DIS3L2: variants seen among roughly 807,000 people sequenced by gnomAD.
The protein encoded by DIS3L2 is DIS3-like exonuclease 2.
Under a neutral mutation model 97.5 loss-of-function variants are expected in DIS3L2, and 34 were observed. That is an observed-to-expected ratio of 0.35 (90% confidence interval 0.27 to 0.46). The LOEUF (loss-of-function observed/expected upper bound fraction) is 0.46, where lower values mean the gene tolerates loss of function less well. Ranked by LOEUF, DIS3L2 falls within the 20% of genes least tolerant of loss-of-function variation. The pLI is 1.00. For synonymous variants in DIS3L2, 435 were observed against 445.2 expected, an observed-to-expected ratio of 0.98 and a Z score of 0.29; for missense variants, 1,038 against 1,146.0, an observed-to-expected ratio of 0.91 and a Z score of 1.36.
intron 13 of DIS3L2, among the ~76,000 whole-genome samples, chr2:232,275,439 G>T (rs1417307891): frequency 6.6e-6 from 1 of 152,172 alleles, no homozygotes; most frequent in East Asian, 1.9e-4. Flanking sequence ...ACAGTGATCT[G>T]ATGTCACCTC....
chr2:232,323,970 TC>T (rs768392312), intron 14 of DIS3L2, among the ~76,000 whole-genome samples: 7 of 151,996 alleles, frequency 4.6e-5, no homozygotes, highest in Non-Finnish European at 8.8e-5. Flanking sequence ...GCCACCAAGA[TC>T]TCTTCCACTT....
chr2:231,979,282 T>A (rs962852128), intron 1 of DIS3L2, among the ~76,000 whole-genome samples: 1 of 152,110 alleles, frequency 6.6e-6, no homozygotes, highest in Non-Finnish European at 1.5e-5. Context: ...TGAAACAGGG[T>A]CTCACTCTGT....
At chr2:232,226,701 G>A (rs1692659522) in intron 10 of DIS3L2, among the ~76,000 whole-genome samples, 1 of 152,212 alleles carries the variant, frequency 6.6e-6, no homozygotes. Flanking sequence ...GCCAGGTGGG[G>A]TGGCTCACGC....
Position 232,238,642 on chromosome 2 carries a change from A to G in DIS3L2, c.1314A>G (p.Gln438=), listed in dbSNP as rs962928333. Residue 438 remains glutamine (Q), a synonymous_variant, in exon 11 of 21, where the codon CAA becomes CAG. Coordinates refer to ENST00000325385, the MANE Select transcript of DIS3L2 (RefSeq NM_152383.5). The part of the protein sequence containing the change: ...AERATSVYLV[Q]KVVPMLPRLL... ...GGGCTACAAGCGTCTACTTGGTTCAAAAGGTAAAAATCCATCTCTAGTTTC... is the reference window on the plus strand; with the variant it reads ...GGGCTACAAGCGTCTACTTGGTTCAGAAGGTAAAAATCCATCTCTAGTTTC... The G allele has an allele frequency of 6.2e-6, 10 of 1,612,472 alleles. No individual in the cohort carries two copies. The Admixed American group carries it at 1.3e-4, about 22-fold the overall frequency.
At chr2:232,097,818 G>A (rs1043138516) in intron 6 of DIS3L2, among the ~76,000 whole-genome samples, 18 of 152,112 alleles carry the variant, frequency 1.2e-4, no homozygotes, top group African/African-American at 4.1e-4. Context: ...CAAGCAGATG[G>A]AGTCTCTCGC....
chr2:232,266,074 T>C (rs1429630437), intron 13 of DIS3L2, among the ~76,000 whole-genome samples: 1 of 152,256 alleles, frequency 6.6e-6, no homozygotes. Flanking sequence ...CATAACGTTT[T>C]AGAGACTTTA....
chr2:232,196,573 T>G (rs1691763768), intron 9 of DIS3L2, among the ~76,000 whole-genome samples: 1 of 152,140 alleles, frequency 6.6e-6, no homozygotes, highest in Non-Finnish European at 1.5e-5. Context: ...GACCATAGGA[T>G]TAAAAGACTT....
intron 1 of DIS3L2, among the ~76,000 whole-genome samples, chr2:231,974,540 C>A (rs1244456547): frequency 7.6e-6 from 1 of 131,198 alleles, no homozygotes; most frequent in Admixed American, 7.7e-5. Context: ...TAATTTGGAT[C>A]TTTTTTTTTT....
intron 14 of DIS3L2, 27 bp from the exon 15 acceptor site, chr2:232,329,786 C>CCCCGGGGGGGCCA: frequency 2.3e-6 from 1 of 430,238 alleles, no homozygotes; most frequent in Non-Finnish European, 4.2e-6. Context: ...CCCCAGCGGT[C>CCCCGGGGGGGCCA]CCTCCCATCC....
At chr2:232,023,682 C>T (rs894629807) in intron 3 of DIS3L2, among the ~76,000 whole-genome samples, 2 of 152,162 alleles carry the variant, frequency 1.3e-5, no homozygotes, top group South Asian at 2.1e-4. Context: ...GACTGGGTGG[C>T]CTGGCTGTTG....
At chr2:232,189,378 G>C (rs909188129) in intron 9 of DIS3L2, among the ~76,000 whole-genome samples, 3 of 152,208 alleles carry the variant, frequency 2.0e-5, no homozygotes, top group African/African-American at 7.2e-5. Context: ...CCATATTACT[G>C]AATGGTACTT....
intron 3 of DIS3L2, among the ~76,000 whole-genome samples, chr2:232,022,369 A>G (rs893337799): frequency 6.6e-6 from 1 of 152,172 alleles, no homozygotes; most frequent in African/African-American, 2.4e-5. Flanking sequence ...ATCAAGGGTA[A>G]AATCTTCAAG....
At chr2:232,332,998 C>G (rs990858747) in intron 16 of DIS3L2, among the ~76,000 whole-genome samples, 1 of 151,938 alleles carries the variant, frequency 6.6e-6, no homozygotes, top group African/African-American at 2.4e-5. Flanking sequence ...GACGTTGCCT[C>G]CTTGAACAAA....
chr2:232,069,092 C>T (rs1302365328), intron 5 of DIS3L2, among the ~76,000 whole-genome samples: 1 of 152,170 alleles, frequency 6.6e-6, no homozygotes, highest in Admixed American at 6.5e-5. Context: ...GCTGGGATTA[C>T]ATGCGTGAGC....
intron 6 of DIS3L2, among the ~76,000 whole-genome samples, chr2:232,123,295 G>A (rs961503816): frequency 1.3e-5 from 2 of 151,846 alleles, no homozygotes; most frequent in African/African-American, 2.4e-5. Context: ...ATATTAACAA[G>A]CAATGGGTTT....
At chr2:232,094,673 T>C (rs1696950005) in intron 6 of DIS3L2, among the ~76,000 whole-genome samples, 1 of 141,172 alleles carries the variant, frequency 7.1e-6, no homozygotes. Flanking sequence ...GAGCCAAGAC[T>C]GCGCCACTGC....
chr2:232,170,137 G>C (rs928325670), intron 9 of DIS3L2, among the ~76,000 whole-genome samples: 7 of 152,098 alleles, frequency 4.6e-5, no homozygotes, highest in African/African-American at 1.7e-4. Flanking sequence ...GAAATTTGAG[G>C]ATCAGGAAGA....
intron 8 of DIS3L2, among the ~76,000 whole-genome samples, chr2:232,160,738 C>G (rs968650711): frequency 1.3e-5 from 2 of 151,924 alleles, no homozygotes; most frequent in African/African-American, 4.8e-5. Context: ...TTAGATGGGC[C>G]TCAGCTACTC....
At chr2:232,312,913 TG>T (rs1695174475) in intron 14 of DIS3L2, among the ~76,000 whole-genome samples, 1 of 152,250 alleles carries the variant, frequency 6.6e-6, no homozygotes, top group African/African-American at 2.4e-5. Context: ...TTATTTTTGT[TG>T]ACCTTGTTAT....
Sources: gnomAD v4.1 joint callset for allele counts (sites outside exome capture counted in the v4.1 genomes callset) on GRCh38, gnomAD v4.1.1 for gene constraint, MANE v1.5 for transcripts, NCBI Gene and HGNC (gene_info 2026-07-23, HGNC 2026-07-21) for gene names.